The following CPNE8 variants were observed in gnomAD, a reference collection of about 807,000 sequenced individuals.
CPNE8 encodes the protein copine 8.
In CPNE8, 45 loss-of-function variants were observed where a neutral mutation model predicts 81.5. The ratio of observed to expected loss-of-function variants is 0.55; its 90% CI spans 0.44 to 0.71. The LOEUF (loss-of-function observed/expected upper bound fraction) is 0.71. CPNE8 is among the 30% of genes least tolerant of loss of function. CPNE8 has a pLI of 0.00. For synonymous variants in CPNE8, 252 were observed against 226.3 expected, an observed-to-expected ratio of 1.11 and a Z score of -1.02; for missense variants, 594 against 672.1, an observed-to-expected ratio of 0.88 and a Z score of 1.28.
At chr12:38,850,526 G>A (rs1355049180) in intron 3 of CPNE8, among the ~76,000 whole-genome samples, 1 of 152,042 alleles carries the variant, frequency 6.6e-6, no homozygotes, top group Admixed American at 6.5e-5. Flanking sequence ...TTAAAATCCT[G>A]GTTTTAGCAA....
intron 1 of CPNE8, among the ~76,000 whole-genome samples, chr12:38,899,667 T>C (rs1176687618): frequency 6.6e-6 from 1 of 152,238 alleles, no homozygotes; most frequent in Non-Finnish European, 1.5e-5. Context: ...TATTTTTTAC[T>C]GATGTGTAGA....
At chr12:38,837,277 A>G (rs561794785) in intron 5 of CPNE8, among the ~76,000 whole-genome samples, 1 of 62,140 alleles carries the variant, frequency 1.6e-5, no homozygotes, top group South Asian at 6.0e-4. Flanking sequence ...AAATTTTCTA[A>G]CTGAGTAAAC....
At chr12:38,796,678 G>A (rs924763178) in intron 6 of CPNE8, among the ~76,000 whole-genome samples, 2 of 152,120 alleles carry the variant, frequency 1.3e-5, no homozygotes, top group African/African-American at 2.4e-5. Context: ...TCACTAGGGA[G>A]TGCCACACAG....
chr12:38,887,192 A>G (rs1447166763), intron 1 of CPNE8, among the ~76,000 whole-genome samples: 2 of 152,172 alleles, frequency 1.3e-5, no homozygotes, highest in African/African-American at 4.8e-5. Context: ...TGTTTTAACA[A>G]CAGCAGTGAA....
intron 14 of CPNE8, 43 bp from the exon 15 acceptor site, chr12:38,693,881 A>T (rs764804882): frequency 2.7e-6 from 4 of 1,490,146 alleles, no homozygotes; most frequent in Non-Finnish European, 3.6e-6. Flanking sequence ...AATTAGGGTA[A>T]ATAAATTTAA....
Position 38,767,700 on chromosome 12 carries a change from G to C in CPNE8, c.510C>G (p.Asp170Glu), listed in dbSNP as rs752405324. Residue 170 changes from aspartate (D) to glutamate (E), a missense_variant, in exon 8 of 20, where the codon GAC becomes GAG. By Grantham distance (45) the Asp-to-Glu change is conservative (BLOSUM62 2). Coordinates refer to ENST00000331366, the MANE Select transcript of CPNE8 (RefSeq NM_153634.3). ...VLMQFCANKL[D>E]KKDFFGKSDP... Reference sequence around the variant, plus strand: ...CTGATTTTCCAAAGAAGTCCTTCTTGTCCAATTTGTTCGCACAAAATTGCA... The same window carrying C: ...CTGATTTTCCAAAGAAGTCCTTCTTCTCCAATTTGTTCGCACAAAATTGCA... The C allele has an allele frequency of 6.4e-7, 1 of 1,558,300 alleles. No homozygotes were observed. Among genetic ancestry groups the C allele is most frequent in the Admixed American group, 2.0e-5 (1 of 49,368 alleles).
intron 1 of CPNE8, among the ~76,000 whole-genome samples, chr12:38,903,941 G>C (rs891636463): frequency 2.0e-5 from 3 of 152,044 alleles, no homozygotes; most frequent in African/African-American, 7.3e-5. Flanking sequence ...CTTAAGAGGC[G>C]GCAAACAATC....
chr12:38,795,788 G>A (rs1255658598), intron 6 of CPNE8, among the ~76,000 whole-genome samples: 1 of 151,856 alleles, frequency 6.6e-6, no homozygotes, highest in Non-Finnish European at 1.5e-5. Context: ...CTAGAGATCT[G>A]TCTCATGGCA....
intron 10 of CPNE8, among the ~76,000 whole-genome samples, chr12:38,744,336 TG>T (rs1323920527): frequency 6.6e-6 from 1 of 152,204 alleles, no homozygotes; most frequent in East Asian, 1.9e-4. Flanking sequence ...AGTTTACATT[TG>T]GGATTCTCCT....
At chr12:38,743,767 T>C (rs1213340982) in intron 10 of CPNE8, among the ~76,000 whole-genome samples, 3 of 151,944 alleles carry the variant, frequency 2.0e-5, no homozygotes, top group Admixed American at 6.6e-5. Flanking sequence ...AAGTAATATT[T>C]AGGGTACATT....
At chr12:38,752,243 G>A (rs1431669460) in intron 10 of CPNE8, among the ~76,000 whole-genome samples, 2 of 152,150 alleles carry the variant, frequency 1.3e-5, no homozygotes, top group African/African-American at 4.8e-5. Flanking sequence ...CAAGGGCAGG[G>A]TTAATATGGC....
At chr12:38,741,721 C>T (rs909829098) in intron 10 of CPNE8, among the ~76,000 whole-genome samples, 1 of 152,134 alleles carries the variant, frequency 6.6e-6, no homozygotes, top group African/African-American at 2.4e-5. Flanking sequence ...AAACTACCAT[C>T]AGAGTGAACA....
chr12:38,654,583 T>A (rs1271401621), intron 19 of CPNE8, among the ~76,000 whole-genome samples: 3 of 151,606 alleles, frequency 2.0e-5, no homozygotes, highest in Admixed American at 6.6e-5. Context: ...ACATAATATA[T>A]GCTTTATCTC....
chr12:38,784,817 T>A (rs1381471560), intron 6 of CPNE8, among the ~76,000 whole-genome samples: 4 of 152,178 alleles, frequency 2.6e-5, no homozygotes, highest in African/African-American at 7.2e-5. Context: ...ATAAAGAATT[T>A]CTCAGACAAA....
chr12:38,703,028 T>C (rs1297490094), intron 13 of CPNE8, 107 bp from the exon 14 acceptor site: 2 of 752,994 alleles, frequency 2.7e-6, no homozygotes, highest in Non-Finnish European at 4.3e-6. Context: ...TCTCAAACGT[T>C]AATTAAGAGC....
At chr12:38,766,465 A>G (rs1592071067) in intron 8 of CPNE8, among the ~76,000 whole-genome samples, 1 of 152,180 alleles carries the variant, frequency 6.6e-6, no homozygotes, top group Non-Finnish European at 1.5e-5. Context: ...CATTTTTACC[A>G]TCAAAAAGAA....
chr12:38,808,847 C>A (rs550637263), intron 6 of CPNE8, among the ~76,000 whole-genome samples: 1 of 151,178 alleles, frequency 6.6e-6, no homozygotes, highest in East Asian at 1.9e-4. Context: ...AAAAAATGGG[C>A]AAAGTTATAA....
chr12:38,791,711 C>T (rs534350457), intron 6 of CPNE8, among the ~76,000 whole-genome samples: 1 of 151,684 alleles, frequency 6.6e-6, no homozygotes, highest in South Asian at 2.1e-4. Context: ...AAGGAACTAA[C>T]TTGAACAACA....
At chr12:38,732,973 C>T (rs966960598) in intron 10 of CPNE8, among the ~76,000 whole-genome samples, 1 of 151,936 alleles carries the variant, frequency 6.6e-6, no homozygotes, top group Non-Finnish European at 1.5e-5. Flanking sequence ...GCATTTCAGC[C>T]TCCAACATAA....
Sources: allele counts gnomAD v4.1 joint callset (sites outside exome capture counted in the v4.1 genomes callset), GRCh38; gene constraint gnomAD v4.1.1; transcripts MANE v1.5; gene names NCBI Gene and HGNC (gene_info 2026-07-23, HGNC 2026-07-21).